Variants in TMEM132D observed in about 807,000 individuals in gnomAD.
The protein encoded by TMEM132D is mature OL transmembrane protein.
In TMEM132D, 21 loss-of-function variants were observed where a neutral mutation model predicts 62.3. That is an observed-to-expected ratio of 0.34 (90% CI 0.24 to 0.49). The LOEUF is 0.49. TMEM132D is among the 20% of genes least tolerant of loss of function. The probability of loss-of-function intolerance (pLI) is 0.99; values close to 1 mark genes in which losing one functional copy is unlikely to be tolerated. For missense variants in TMEM132D, 1,346 were observed against 1,402.8 expected (o/e 0.96, Z 0.65); for synonymous variants, 621 against 575.6 (o/e 1.08, Z -1.13).
At chr12:129,821,245 G>A (rs765255595) in intron 1 of TMEM132D, among the ~76,000 whole-genome samples, 59 of 152,278 alleles carry the variant, frequency 3.9e-4, no homozygotes, top group Non-Finnish European at 7.2e-4. Context: ...TTGTGTGTTC[G>A]CATTTGTCAA....
rs558057894 is a variant in TMEM132D at position 129,106,322 on chromosome 12, C to T, written c.1444-21620G>A. ...GGGAGATATACCTAATGCTAGATGA[C>T]GAGTTAGTGGGTGCAGCGCATCAGC... On this transcript the variant is annotated intron_variant, in intron 5 of 8. Coordinates refer to ENST00000422113, the MANE Select transcript of TMEM132D (RefSeq NM_133448.3). Among the ~76,000 whole-genome samples, 184 of 150,042 alleles carry T rather than the reference C, an allele frequency of 1.2e-3. 1 individual carries two copies. The highest frequency in any genetic ancestry group is 4.0e-3 in the East Asian group (20 of 5,056).
intron 1 of TMEM132D, among the ~76,000 whole-genome samples, chr12:129,739,650 G>T (rs1429968538): frequency 6.6e-6 from 1 of 152,188 alleles, no homozygotes; most frequent in East Asian, 1.9e-4. Flanking sequence ...CCCAATGAAT[G>T]AGATGGATAT....
intron 1 of TMEM132D, among the ~76,000 whole-genome samples, chr12:129,725,329 CCTG>C (rs1275067749): frequency 7.9e-5 from 12 of 152,230 alleles, no homozygotes; most frequent in African/African-American, 2.9e-4. Context: ...TGCTAATAAG[CCTG>C]CTATCTGGAA....
At chr12:129,680,339 G>C (rs1322960764) in intron 2 of TMEM132D, among the ~76,000 whole-genome samples, 2 of 152,040 alleles carry the variant, frequency 1.3e-5, no homozygotes, top group Non-Finnish European at 2.9e-5. Context: ...AAAGATAAAA[G>C]GGAAAAGAAA....
At chr12:129,177,308 C>CA (rs1877933479) in intron 5 of TMEM132D, among the ~76,000 whole-genome samples, 1 of 152,040 alleles carries the variant, frequency 6.6e-6, no homozygotes, top group Non-Finnish European at 1.5e-5. Flanking sequence ...ATAAAACAAA[C>CA]AAAAACCCAG....
intron 3 of TMEM132D, among the ~76,000 whole-genome samples, chr12:129,380,077 T>C (rs1012852485): frequency 1.3e-5 from 2 of 152,208 alleles, no homozygotes; most frequent in Non-Finnish European, 2.9e-5. Context: ...ATAGTTGAAA[T>C]GACATAACTT....
chr12:129,824,510 A>G (rs1227939671), intron 1 of TMEM132D, among the ~76,000 whole-genome samples: 1 of 152,024 alleles, frequency 6.6e-6, no homozygotes, highest in East Asian at 1.9e-4. Flanking sequence ...TGAAGCACTT[A>G]GGAGGTGATG....
intron 5 of TMEM132D, chr12:129,109,536 T>C (rs1235182492): frequency 1.3e-5 from 2 of 152,360 alleles, no homozygotes; most frequent in African/African-American, 4.8e-5. Context: ...TCTCCCAGGA[T>C]TCCTGCATGT....
chr12:129,397,143 G>A (rs574598624), intron 3 of TMEM132D, among the ~76,000 whole-genome samples: 42 of 152,284 alleles, frequency 2.8e-4, no homozygotes, highest in Middle Eastern at 6.8e-3. Context: ...GTTCAAAGAT[G>A]TAGATAGAGC....
At chr12:129,481,175 C>CA (rs958270060) in intron 3 of TMEM132D, among the ~76,000 whole-genome samples, 65 of 148,086 alleles carry the variant, frequency 4.4e-4, no homozygotes, top group East Asian at 7.8e-4. Context: ...GTTTAACATA[C>CA]AAAAAAAAAG....
At chr12:129,158,073 A>G (rs914200882) in intron 5 of TMEM132D, among the ~76,000 whole-genome samples, 1 of 152,188 alleles carries the variant, frequency 6.6e-6, no homozygotes, top group Non-Finnish European at 1.5e-5. Context: ...AAAGATTACC[A>G]TATGGAGAGT....
chr12:129,562,717 T>C (rs1186918315), intron 2 of TMEM132D, among the ~76,000 whole-genome samples: 1 of 152,190 alleles, frequency 6.6e-6, no homozygotes, highest in Non-Finnish European at 1.5e-5. Flanking sequence ...CTGTTCTCCC[T>C]GCCACTCCCC....
intron 3 of TMEM132D, among the ~76,000 whole-genome samples, chr12:129,355,373 G>A (rs553195776): frequency 4.0e-5 from 6 of 150,814 alleles, no homozygotes; most frequent in African/African-American, 1.5e-4. Context: ...CTCTGCAACC[G>A]CCTACGTGGG....
intron 4 of TMEM132D, among the ~76,000 whole-genome samples, chr12:129,321,313 T>C (rs1868697865): frequency 6.6e-6 from 1 of 152,222 alleles, no homozygotes; most frequent in South Asian, 2.1e-4. Flanking sequence ...GGGGTCATTG[T>C]GACATTATTT....
intron 5 of TMEM132D, among the ~76,000 whole-genome samples, chr12:129,183,874 T>C (rs1013800534): frequency 6.6e-6 from 1 of 152,104 alleles, no homozygotes; most frequent in African/African-American, 2.4e-5. Context: ...GGACGATTCT[T>C]TGGAGCTGGG....
At position 129,353,749 on chromosome 12, in the gene TMEM132D, C is replaced by A. The variant is rs528053075; in HGVS notation, c.1116-15932G>T. ...TTGTGTTTAGCACGGGTAAACCAAA[C>A]ATCTTCCTTCCCTGACCTGCTTGCC... On this transcript the variant is annotated intron_variant, in intron 3 of 8. Coordinates refer to ENST00000422113, the MANE Select transcript of TMEM132D (RefSeq NM_133448.3). Among the ~76,000 whole-genome samples the A allele has an allele frequency of 2.9e-4, 44 of 152,292 alleles. 1 individual carries two copies. In the South Asian group the frequency reaches 4.6e-3, roughly 16 times the overall value.
chr12:129,816,232 C>T (rs1166246900), intron 1 of TMEM132D, among the ~76,000 whole-genome samples: 2 of 152,144 alleles, frequency 1.3e-5, no homozygotes, highest in East Asian at 3.9e-4. Flanking sequence ...AAAATGATGT[C>T]AGTCAGAATG....
At chr12:129,884,333 GAC>G (rs1284242689) in intron 1 of TMEM132D, among the ~76,000 whole-genome samples, 1 of 152,136 alleles carries the variant, frequency 6.6e-6, no homozygotes, top group Non-Finnish European at 1.5e-5. Flanking sequence ...TATAGACTGA[GAC>G]AAAATATTTT....
chr12:129,363,763 C>G lies in TMEM132D; in HGVS notation c.1116-25946G>C, dbSNP rs542288892. On this transcript the variant is annotated intron_variant, in intron 3 of 8. Transcript: ENST00000422113. ...TTGCTGGTTGAGGTTAATAGAATGTCAATTAATTTCTTGGTATAAATGTCA... is the reference window on the plus strand; with the variant it reads ...TTGCTGGTTGAGGTTAATAGAATGTGAATTAATTTCTTGGTATAAATGTCA... Among the ~76,000 whole-genome samples, 6 of 152,284 alleles carry G rather than the reference C, an allele frequency of 3.9e-5. No homozygotes were observed. In the East Asian group the frequency reaches 1.2e-3, roughly 29 times the overall value.
Sources: allele counts gnomAD v4.1 joint callset (sites outside exome capture counted in the v4.1 genomes callset), GRCh38; gene constraint gnomAD v4.1.1; transcripts MANE v1.5; gene names NCBI Gene and HGNC (gene_info 2026-07-23, HGNC 2026-07-21).